KYNU: variants seen among roughly 807,000 people sequenced by gnomAD.
KYNU encodes the protein kynureninase, also known as L-kynurenine hydrolase.
In KYNU, 54 loss-of-function variants were observed where a neutral mutation model predicts 59.2. That is an observed-to-expected ratio of 0.91 (90% CI 0.73 to 1.14). The LOEUF is 1.14. Ranked by LOEUF, KYNU falls within the 50% of genes most tolerant of loss-of-function variation. The probability of loss-of-function intolerance (pLI) is 0.00; values close to 1 mark genes in which losing one functional copy is unlikely to be tolerated. For synonymous variants in KYNU, 177 were observed against 192.0 expected, an observed-to-expected ratio of 0.92 and a Z score of 0.65; for missense variants, 567 against 554.4, an observed-to-expected ratio of 1.02 and a Z score of -0.23.
intron 10 of KYNU, among the ~76,000 whole-genome samples, chr2:143,023,028 T>C (rs759937155): frequency 7.2e-5 from 11 of 151,958 alleles, no homozygotes; most frequent in Non-Finnish European, 1.0e-4. Context: ...TTGTTTCATG[T>C]ACTTTTATAA....
In KYNU at chr2:142,887,015, A is replaced by C. The variant is rs141908369; in HGVS notation, c.169+1479A>C. Among the ~76,000 whole-genome samples the C allele has an allele frequency of 2.9e-3, 440 of 152,106 alleles. 3 individuals are homozygous for C. Among genetic ancestry groups the C allele is most frequent in the Admixed American group, 0.012 (177 of 15,282 alleles). On this transcript the variant is annotated intron_variant, in intron 2 of 13. Coordinates refer to ENST00000264170, the MANE Select transcript of KYNU (RefSeq NM_003937.3). ...GAAACCCCATCTCTACTAAAACTAC[A>C]AAAAATTAGCCGGGCGTAGTGGCGG...
At chr2:143,015,067 G>GT (rs2105209204) in intron 10 of KYNU, among the ~76,000 whole-genome samples, 1 of 151,968 alleles carries the variant, frequency 6.6e-6, no homozygotes, top group Admixed American at 6.5e-5. Flanking sequence ...CTATTTTTTT[G>GT]TTTTTTAAGA....
chr2:142,973,155 A>G (rs79560695), intron 8 of KYNU, among the ~76,000 whole-genome samples: 4,919 of 151,468 alleles, frequency 0.032, 253 homozygotes, highest in African/African-American at 0.11. Flanking sequence ...AATTGGTGTC[A>G]GCATTTAGAA....
At chr2:142,959,593 A>C (rs1207637263) in intron 7 of KYNU, among the ~76,000 whole-genome samples, 2 of 152,196 alleles carry the variant, frequency 1.3e-5, no homozygotes, top group African/African-American at 4.8e-5. Context: ...TCTCAAAAAA[A>C]AAAAAAAATT....
intron 2 of KYNU, among the ~76,000 whole-genome samples, chr2:142,885,941 T>A (rs1681493358): frequency 6.6e-6 from 1 of 152,202 alleles, no homozygotes; most frequent in South Asian, 2.1e-4. Context: ...TTAGAGAAAA[T>A]ATTGTTTTGT....
At chr2:143,041,250 T>C (rs1027541108) in intron 13 of KYNU, among the ~76,000 whole-genome samples, 1 of 151,468 alleles carries the variant, frequency 6.6e-6, no homozygotes, top group Non-Finnish European at 1.5e-5. Flanking sequence ...AAAGATAATG[T>C]ATCTACTTCC....
intron 3 of KYNU, among the ~76,000 whole-genome samples, chr2:142,926,301 T>C (rs1056772233): frequency 3.9e-5 from 6 of 152,080 alleles, no homozygotes; most frequent in African/African-American, 1.4e-4. Flanking sequence ...CAGAGGAATA[T>C]ATAGCAGGCT....
intron 1 of KYNU, among the ~76,000 whole-genome samples, chr2:142,878,470 C>T (rs765152546): frequency 6.6e-6 from 1 of 152,024 alleles, no homozygotes; most frequent in Non-Finnish European, 1.5e-5. Flanking sequence ...TATTGTTTTT[C>T]CTTTTTTCTT....
In KYNU at chr2:142,989,411, A is replaced by G. The variant is rs896557971; in HGVS notation, c.902+3390A>G. The G allele has an allele frequency of 5.1e-6, 5 of 986,284 alleles. No homozygotes were observed. The African/African-American group carries it at 7.0e-5, about 14-fold the overall frequency. The allele number at this position is 986,284 out of a possible 1,614,324, so 61.1% of individuals were successfully genotyped here. A position where few individuals can be genotyped will look rare whatever the true frequency, so the allele number is the denominator to read the frequency against. Reference sequence around the variant, plus strand: ...TATGTAGCCGAGAACCATATGGAGAACATCAAATACAGTGGAACAAATGTA... The same window carrying G: ...TATGTAGCCGAGAACCATATGGAGAGCATCAAATACAGTGGAACAAATGTA... On this transcript the variant is annotated intron_variant, in intron 10 of 13. Coordinates refer to ENST00000264170, the MANE Select transcript of KYNU (RefSeq NM_003937.3).
At position 143,007,425 on chromosome 2, in the gene KYNU, G is replaced by A. The variant is rs372802437; in HGVS notation, c.902+21404G>A. On this transcript the variant is annotated intron_variant, in intron 10 of 13. Transcript: ENST00000264170. The stretch of plus-strand genomic sequence containing the variant: ...GACTATGTGAAAAGACCAAATCTAC[G>A]TCTGATTGGTGTACCTGAAAGTGAT... Among the ~76,000 whole-genome samples the A allele has an allele frequency of 5.7e-5, 8 of 140,798 alleles. No homozygotes were observed. The East Asian group carries it at 6.5e-4, about 12-fold the overall frequency. 92.4% of individuals were successfully genotyped at this position (140,798 alleles called of 152,430 possible).
chr2:143,035,954 T>A (rs1297792105), intron 12 of KYNU, among the ~76,000 whole-genome samples: 1 of 151,940 alleles, frequency 6.6e-6, no homozygotes, highest in Non-Finnish European at 1.5e-5. Flanking sequence ...TGTATTTTTT[T>A]ATAGAGACAG....
At chr2:142,889,889 T>A (rs1344735690) in intron 2 of KYNU, among the ~76,000 whole-genome samples, 3 of 152,056 alleles carry the variant, frequency 2.0e-5, no homozygotes, top group Non-Finnish European at 4.4e-5. Context: ...TTTTTTTTTT[T>A]AATCTTGAAG....
chr2:142,991,331 G>A (rs149648205), intron 10 of KYNU, among the ~76,000 whole-genome samples: 2 of 152,002 alleles, frequency 1.3e-5, no homozygotes, highest in East Asian at 3.9e-4. Context: ...AGGCCTTCTT[G>A]TGCAAAGTTT....
intron 3 of KYNU, among the ~76,000 whole-genome samples, chr2:142,925,780 G>A (rs1166383749): frequency 6.6e-6 from 1 of 152,114 alleles, no homozygotes; most frequent in African/African-American, 2.4e-5. Flanking sequence ...TAGTCCTCTG[G>A]TCTTACCACC....
At chr2:143,029,534 T>C in intron 10 of KYNU, 93 bp from the exon 11 acceptor site, 1 of 781,666 alleles carries the variant, frequency 1.3e-6, no homozygotes, top group Non-Finnish European at 2.3e-6. Context: ...GGCAGTGAGC[T>C]GAGATCACGC....
At chr2:142,980,185 C>A (rs1210566764) in intron 8 of KYNU, among the ~76,000 whole-genome samples, 2 of 148,960 alleles carry the variant, frequency 1.3e-5, no homozygotes, top group Admixed American at 6.7e-5. Flanking sequence ...TTTTAGCATG[C>A]TAATGTATTA....
At chr2:142,891,338 G>A (rs1558903888) in intron 2 of KYNU, among the ~76,000 whole-genome samples, 1 of 151,664 alleles carries the variant, frequency 6.6e-6, no homozygotes, top group Non-Finnish European at 1.5e-5. Flanking sequence ...GATCTATATA[G>A]AAGATTATTA....
chr2:142,894,153 A>G (rs1260287772), intron 2 of KYNU, among the ~76,000 whole-genome samples: 2 of 152,224 alleles, frequency 1.3e-5, no homozygotes, highest in Admixed American at 6.5e-5. Context: ...CCACTCATCA[A>G]TCTAGACCTC....
chr2:142,909,215 T>C (rs1375285964), intron 2 of KYNU, among the ~76,000 whole-genome samples: 2 of 152,138 alleles, frequency 1.3e-5, no homozygotes, highest in Non-Finnish European at 2.9e-5. Context: ...GTAGAAGATA[T>C]AAGCCTTTAC....
Sources: gnomAD v4.1 joint callset for allele counts (sites outside exome capture counted in the v4.1 genomes callset) on GRCh38, gnomAD v4.1.1 for gene constraint, MANE v1.5 for transcripts, NCBI Gene and HGNC (gene_info 2026-07-23, HGNC 2026-07-21) for gene names.